Variants in DNAH7 observed in about 807,000 individuals in gnomAD.
DNAH7 encodes axonemal beta dynein heavy chain 7.
A neutral mutation model predicts 444.6 loss-of-function variants in DNAH7; 397 were observed. That is an observed-to-expected ratio of 0.89 (90% confidence interval 0.82 to 0.97). DNAH7 has a LOEUF of 0.97. DNAH7 is among the 50% of genes least tolerant of loss of function. The pLI is 0.00. For missense variants in DNAH7, 4,902 were observed against 4,800.8 expected (o/e 1.02, Z -0.62); for synonymous variants, 1,636 against 1,624.4 (o/e 1.01, Z -0.17).
intron 1 of DNAH7, among the ~76,000 whole-genome samples, chr2:196,066,538 C>T (rs1021535462): frequency 2.0e-5 from 3 of 152,142 alleles, no homozygotes; most frequent in East Asian, 1.9e-4. Flanking sequence ...TCCTGGTCTT[C>T]GGATATTTGT....
At chr2:195,995,418 A>AG in intron 12 of DNAH7, 1 of 459,268 alleles carries the variant, frequency 2.2e-6, no homozygotes, top group South Asian at 1.7e-5. Context: ...TCTGAGGGAG[A>AG]TTTTTGGAGT....
At chr2:195,882,238 G>A (rs1701429878) in intron 35 of DNAH7, among the ~76,000 whole-genome samples, 1 of 152,126 alleles carries the variant, frequency 6.6e-6, no homozygotes, top group African/African-American at 2.4e-5. Flanking sequence ...TGAAATCACT[G>A]CTTATGCCAA....
At chr2:195,803,760 A>G (rs1466097659) in intron 54 of DNAH7, among the ~76,000 whole-genome samples, 1 of 152,218 alleles carries the variant, frequency 6.6e-6, no homozygotes, top group Non-Finnish European at 1.5e-5. Flanking sequence ...TTTCTTATTG[A>G]AAGCTGATTA....
chr2:195,829,242 AT>A (rs1352867745), intron 48 of DNAH7, among the ~76,000 whole-genome samples: 1 of 152,192 alleles, frequency 6.6e-6, no homozygotes, highest in East Asian at 1.9e-4. Flanking sequence ...CTTCCACTGA[AT>A]TTTTAAATTC....
chr2:195,907,191 G>C (rs558771380), intron 25 of DNAH7, among the ~76,000 whole-genome samples, 182 bp from the exon 26 acceptor site: 96 of 151,956 alleles, frequency 6.3e-4, no homozygotes, highest in Non-Finnish European at 1.1e-3. Flanking sequence ...ACGAATAAAA[G>C]AGTTTGATCA....
intron 1 of DNAH7, among the ~76,000 whole-genome samples, chr2:196,060,247 A>C (rs1698063417): frequency 6.6e-6 from 1 of 152,116 alleles, no homozygotes; most frequent in African/African-American, 2.4e-5. Flanking sequence ...ACAAACAAAC[A>C]AAAAAACTAC....
chr2:195,799,197 T>A (rs1350160728), intron 55 of DNAH7, 99 bp downstream of exon 55: 2 of 1,085,420 alleles, frequency 1.8e-6, no homozygotes, highest in African/African-American at 1.6e-5. Context: ...AAAGGTTGAA[T>A]GACAAATTTC....
intron 52 of DNAH7, 133 bp downstream of exon 52, chr2:195,809,612 C>T (rs1413238643): frequency 2.4e-6 from 2 of 835,654 alleles, no homozygotes; most frequent in Non-Finnish European, 3.2e-6. Flanking sequence ...AACATCTTGC[C>T]TTAACTATAA....
chr2:195,803,854 C>T (rs1488683974), intron 54 of DNAH7, among the ~76,000 whole-genome samples: 1 of 152,222 alleles, frequency 6.6e-6, no homozygotes, highest in Non-Finnish European at 1.5e-5. Context: ...ACATTCCACA[C>T]CTCAGTATTT....
chr2:195,781,824 T>C (rs1304476308), intron 58 of DNAH7, among the ~76,000 whole-genome samples: 2 of 152,176 alleles, frequency 1.3e-5, no homozygotes, highest in Non-Finnish European at 2.9e-5. Context: ...ACTATAATAA[T>C]GTTTTTGAGA....
chr2:196,036,040 T>C (rs1424948568), intron 5 of DNAH7, among the ~76,000 whole-genome samples: 1 of 150,406 alleles, frequency 6.6e-6, no homozygotes, highest in East Asian at 2.1e-4. Context: ...TTTTTTTTTT[T>C]TTTTTTTCCA....
In DNAH7 at chr2:195,891,671, G is replaced by A. The variant is rs762008781; in HGVS notation, c.5030C>T (p.Ala1677Val). 6 of 1,592,696 alleles carry A rather than the reference G, an allele frequency of 3.8e-6. No homozygotes were observed. In the African/African-American group the frequency reaches 5.4e-5, roughly 14 times the overall value. The change falls in exon 31 of 65, where the codon GCA becomes GTA. Residue 1677 changes from alanine (A) to valine (V), a missense_variant. By Grantham distance (64) the Ala-to-Val change is moderately conservative. Transcript: ENST00000312428. ...SDGVLAVSFR[A>V]FASSVTPDRK... Reference sequence around the variant, plus strand: ...AGAACTTACCACTGAAGAGGCAAATGCTCTAAAACTGACAGCAAGGACCCC... The same window carrying A: ...AGAACTTACCACTGAAGAGGCAAATACTCTAAAACTGACAGCAAGGACCCC...
chr2:195,999,923 GAAC>G (rs1559320250), intron 12 of DNAH7, among the ~76,000 whole-genome samples: 9 of 151,996 alleles, frequency 5.9e-5, no homozygotes. Flanking sequence ...TCAAAATTAA[GAAC>G]AAAAGCTCAA....
chr2:195,831,805 T>TA (rs1294400987), intron 48 of DNAH7, among the ~76,000 whole-genome samples: 76 of 152,216 alleles, frequency 5.0e-4, no homozygotes, highest in African/African-American at 1.7e-3. Context: ...TAGCATATAG[T>TA]ATGGTGATAT....
intron 5 of DNAH7, among the ~76,000 whole-genome samples, chr2:196,038,272 T>C (rs768449507): frequency 3.9e-5 from 6 of 151,950 alleles, no homozygotes; most frequent in Non-Finnish European, 5.9e-5. Flanking sequence ...GAGACCTACA[T>C]CTGGAAGCAA....
At position 195,891,739 on chromosome 2, in the gene DNAH7, T is replaced by C. The variant is rs774287551; in HGVS notation, c.4962A>G (p.Gln1654=). ...VLNPKSVTMG[Q]LYGQFDSVSH... ...ACACTGAATCAAACTGTCCGTACAG[T>C]TGGCCCATGGTGACAGACTTAGGAT... Residue 1654 remains glutamine (Q), a synonymous_variant, in exon 31 of 65, where the codon CAA becomes CAG. Coordinates refer to ENST00000312428, the MANE Select transcript of DNAH7 (RefSeq NM_018897.3). 1.9e-6 allele frequency: 3 copies of C among 1,609,848 alleles called. No individual in the cohort carries two copies. Among genetic ancestry groups the C allele is most frequent in the Non-Finnish European group, 2.5e-6 (3 of 1,178,206 alleles).
chr2:195,936,911 G>A, intron 19 of DNAH7, 119 bp from the exon 20 acceptor site: 2 of 856,778 alleles, frequency 2.3e-6, no homozygotes, highest in Non-Finnish European at 3.3e-6. Flanking sequence ...AAATTTTAAG[G>A]GGAGTATTTG....
At position 196,000,688 on chromosome 2, in the gene DNAH7, T is replaced by C. The variant is rs1192911059; in HGVS notation, c.1353+16A>G. The C allele has an allele frequency of 2.1e-5, 32 of 1,503,436 alleles. No homozygotes were observed. Among genetic ancestry groups the C allele is most frequent in the Non-Finnish European group, 2.9e-5 (32 of 1,122,784 alleles). The allele number at this position is 1,503,436 out of a possible 1,614,324, so 93.1% of individuals were successfully genotyped here. ...ATTATGCAAATTCAAGCAATCTTAA[T>C]ATCCTTGTTACTTACCCACTTGGAA... On this transcript the variant is annotated intron_variant, in intron 12 of 64. Coordinates refer to ENST00000312428, the MANE Select transcript of DNAH7 (RefSeq NM_018897.3).
At chr2:195,789,777 A>C (rs1195365725) in intron 57 of DNAH7, among the ~76,000 whole-genome samples, 1 of 152,098 alleles carries the variant, frequency 6.6e-6, no homozygotes, top group Non-Finnish European at 1.5e-5. Flanking sequence ...TTAAAAAAAA[A>C]CCCAAAATGA....
Sources: gnomAD v4.1 joint callset for allele counts (sites outside exome capture counted in the v4.1 genomes callset) on GRCh38, gnomAD v4.1.1 for gene constraint, MANE v1.5 for transcripts, NCBI Gene and HGNC (gene_info 2026-07-23, HGNC 2026-07-21) for gene names.